ZNF841: variants seen among roughly 807,000 people sequenced by gnomAD.
The protein encoded by ZNF841 is TCONS_00006091.
In ZNF841, 11 loss-of-function variants were observed where a neutral mutation model predicts 13.0. That is an observed-to-expected ratio of 0.85 (90% CI 0.53 to 1.40). ZNF841 has a LOEUF of 1.40. Among genes scored for constraint, ZNF841 ranks in the 40% most tolerant of loss-of-function variants. The pLI, the probability that ZNF841 is intolerant of heterozygous loss-of-function variation, is 0.00. For missense variants in ZNF841, 1,068 were observed against 1,139.5 expected, an observed-to-expected ratio of 0.94 and a Z score of 0.90; for synonymous variants, 369 against 381.6, an observed-to-expected ratio of 0.97 and a Z score of 0.38.
At chr19:52,094,460 G>A (rs1229875242) in intron 1 of ZNF841, among the ~76,000 whole-genome samples, 2 of 151,398 alleles carry the variant, frequency 1.3e-5, no homozygotes, top group African/African-American at 4.9e-5. Flanking sequence ...TTTTATGTCT[G>A]TTCTGCCCAA....
At chr19:52,071,149 G>C (rs1016545771) in intron 6 of ZNF841, among the ~76,000 whole-genome samples, 1 of 152,074 alleles carries the variant, frequency 6.6e-6, no homozygotes, top group East Asian at 1.9e-4. Flanking sequence ...GGACAACAAG[G>C]GAAGACAATT....
intron 6 of ZNF841, among the ~76,000 whole-genome samples, chr19:52,072,802 A>G (rs950561645): frequency 6.6e-6 from 1 of 152,180 alleles, no homozygotes; most frequent in Admixed American, 6.5e-5. Context: ...CTGGACAACA[A>G]GAGCGTAACT....
At chr19:52,059,370 A>AAAAAATATATATAT in the ZNF841 span, among the ~76,000 whole-genome samples, 22 of 69,638 alleles carry the variant, frequency 3.2e-4, 1 homozygote, top group African/African-American at 1.1e-3. Context: ...AAAAAAAAAA[A>AAAAAATATATATAT]ATATATATAT....
At chr19:52,060,863 G>A (rs1165624035), downstream of ZNF841, among the ~76,000 whole-genome samples, 1 of 152,168 alleles carries the variant, frequency 6.6e-6, no homozygotes, top group Non-Finnish European at 1.5e-5. Flanking sequence ...AACCCACCTA[G>A]CTATGCACAA....
chr19:52,089,502 C>A (rs992618853), intron 2 of ZNF841, among the ~76,000 whole-genome samples: 1 of 151,878 alleles, frequency 6.6e-6, no homozygotes, highest in Non-Finnish European at 1.5e-5. Flanking sequence ...AAAAAAACAG[C>A]CGGACATGGT....
At chr19:52,094,167 T>C (rs1390633347) in intron 1 of ZNF841, 196 bp from the exon 2 acceptor site, 1 of 152,170 alleles carries the variant, frequency 6.6e-6, no homozygotes, top group Non-Finnish European at 1.5e-5. Context: ...TCTGGCTAAA[T>C]AGGAATTCCA....
chr19:52,060,687 A>G (rs537130721), downstream of ZNF841, among the ~76,000 whole-genome samples: 2 of 152,282 alleles, frequency 1.3e-5, no homozygotes, highest in South Asian at 4.1e-4. Context: ...CCAGAAAGGG[A>G]AAAGACTCAT....
chr19:52,083,765 G>A (rs904066038), intron 4 of ZNF841, among the ~76,000 whole-genome samples: 13 of 137,580 alleles, frequency 9.4e-5, no homozygotes, highest in Middle Eastern at 3.8e-3. Context: ...GGTATAGATA[G>A]TAAAAAACTC....
chr19:52,065,900 G>A lies in ZNF841; in HGVS notation c.1982C>T (p.Ala661Val), dbSNP rs547352438. 1 of 1,614,050 alleles carries A rather than the reference G, an allele frequency of 6.2e-7. No individual in the cohort carries two copies. The highest frequency in any genetic ancestry group is 2.2e-5 in the East Asian group (1 of 44,874). The change falls in exon 7 of 7, where the codon GCC becomes GTC. Residue 661 changes from alanine (A) to valine (V), a missense_variant. By Grantham distance (64) the Ala-to-Val change is moderately conservative (BLOSUM62 0). Transcript: ENST00000594440. ...AGTGAGGCTTGAACGCTGAGTATAG[G>A]CTTTGCCACAATCATTACATTTATA... ...KPYKCNDCGK[A>V]YTQRSSLTKH...
At chr19:52,077,123 A>G in intron 4 of ZNF841, 39 bp from the exon 5 acceptor site, 1 of 1,561,656 alleles carries the variant, frequency 6.4e-7, no homozygotes, top group Non-Finnish European at 8.6e-7. Flanking sequence ...GCAGTGGGTG[A>G]GCTCTTATCT....
chr19:52,060,258 G>A (rs2087375440), downstream of ZNF841, among the ~76,000 whole-genome samples: 1 of 152,230 alleles, frequency 6.6e-6, no homozygotes, highest in East Asian at 1.9e-4. Context: ...CTAGCCAGGA[G>A]AGAAGGTAGG....
rs769745136 is a variant in ZNF841, at chr19:52,065,787, A to C, written c.2095T>G (p.Tyr699Asp). ...TTCTCCCCAGTAGGATTTCTGTGATATCTTGCAAGTTTTGAACTTTGGATA... is the reference window on the plus strand; with the variant it reads ...TTCTCCCCAGTAGGATTTCTGTGATCTCTTGCAAGTTTTGAACTTTGGATA... The part of the protein sequence containing the change: ...AFIQSSKLAR[Y>D]HRNPTGEKPH... The change falls in exon 7 of 7, where the codon TAT becomes GAT. Residue 699 changes from tyrosine to aspartate, a missense_variant. Tyr to Asp is a radical substitution (Grantham distance 160, BLOSUM62 -3). Coordinates refer to ENST00000594440, the MANE Select transcript of ZNF841 (RefSeq NM_001136499.2). 6.2e-6 allele frequency: 10 copies of C among 1,611,300 alleles called. No individual in the cohort carries two copies. In the East Asian group the frequency reaches 2.2e-4, roughly 36 times the overall value.
intron 6 of ZNF841, among the ~76,000 whole-genome samples, chr19:52,069,797 C>A (rs1343145681): frequency 6.6e-6 from 1 of 152,120 alleles, no homozygotes; most frequent in East Asian, 1.9e-4. Flanking sequence ...TTGCACCACC[C>A]AGATCTGTGA....
At chr19:52,071,497 G>A (rs898084359) in intron 6 of ZNF841, among the ~76,000 whole-genome samples, 2 of 152,144 alleles carry the variant, frequency 1.3e-5, no homozygotes, top group Non-Finnish European at 2.9e-5. Context: ...AAGAAAGCAG[G>A]AGACTCTTGT....
chr19:52,069,321 C>G (rs767652650), intron 6 of ZNF841, among the ~76,000 whole-genome samples: 4 of 152,120 alleles, frequency 2.6e-5, no homozygotes, highest in South Asian at 2.1e-4. Context: ...ACAATCTGCC[C>G]ACCTCTGCCT....
intron 3 of ZNF841, among the ~76,000 whole-genome samples, chr19:52,088,272 T>C (rs1335235689): frequency 1.3e-5 from 2 of 152,160 alleles, no homozygotes; most frequent in Admixed American, 6.5e-5. Flanking sequence ...CTCACTTCAG[T>C]TGACGATAGA....
intron 6 of ZNF841, among the ~76,000 whole-genome samples, chr19:52,072,941 A>T (rs2123261051): frequency 6.6e-6 from 1 of 152,328 alleles, no homozygotes; most frequent in South Asian, 2.1e-4. Flanking sequence ...ACATACCAAA[A>T]CTTGTGAATG....
chr19:52,065,711 A>C lies in ZNF841; in HGVS notation c.2171T>G (p.Leu724Arg). Residue 724 changes from leucine to arginine, a missense_variant, in exon 7 of 7, where the codon CTG (leucine) becomes CGG (arginine). Leu to Arg is a moderately radical substitution (Grantham distance 102). Transcript: ENST00000594440. ...AGTATGTCTTCTCTGATGGTACACC[A>C]GACTTGTTTTATGACTAAAAGTTCT... ...CGRTFSHKTS[L>R]VYHQRRHTGE... 2 of 1,604,020 alleles carry C rather than the reference A, an allele frequency of 1.2e-6. No individual in the cohort carries two copies. Among genetic ancestry groups the C allele is most frequent in the Non-Finnish European group, 1.7e-6 (2 of 1,174,598 alleles).
intron 6 of ZNF841, among the ~76,000 whole-genome samples, chr19:52,073,026 C>G (rs1001558737): frequency 4.6e-5 from 7 of 151,968 alleles, no homozygotes; most frequent in Non-Finnish European, 8.8e-5. Flanking sequence ...TCCAATGGAA[C>G]AGAATAGGAA....
Sources: gnomAD v4.1 joint callset for allele counts (sites outside exome capture counted in the v4.1 genomes callset) on GRCh38, gnomAD v4.1.1 for gene constraint, MANE v1.5 for transcripts, NCBI Gene and HGNC (gene_info 2026-07-23, HGNC 2026-07-21) for gene names.